CNGA1: variants seen among roughly 807,000 people sequenced by gnomAD.
CNGA1 encodes the protein cyclic nucleotide-gated channel alpha-1.
CNGA1 carries 53 observed loss-of-function variants against 69.7 expected under a neutral mutation model. The ratio of observed to expected loss-of-function variants is 0.76; its 90% CI spans 0.61 to 0.96. The LOEUF is 0.96. Among genes scored for constraint, CNGA1 ranks in the 40% least tolerant of loss-of-function variants. CNGA1 has a pLI of 0.00. For synonymous variants in CNGA1, 249 were observed against 283.5 expected, an observed-to-expected ratio of 0.88 and a Z score of 1.22; for missense variants, 739 against 811.2, an observed-to-expected ratio of 0.91 and a Z score of 1.08.
In CNGA1 at chr4:47,937,154, G is replaced by C. The variant is rs773321505; in HGVS notation, c.1328C>G (p.Thr443Arg). ...WFDYLWTNKK[T>R]VDEKEVLKYL... ...CTTTAAGACTTCTTTCTCATCAACT[G>C]TTTTTTTGTTGGTCCACAGGTAGTC... Residue 443 changes from threonine to arginine, a missense_variant, in exon 11 of 11, where the codon ACA becomes AGA. Thr to Arg is a moderately conservative substitution (Grantham distance 71). Transcript: ENST00000514170. 1.2e-6 allele frequency: 2 copies of C among 1,614,090 alleles called. No homozygotes were observed. Among genetic ancestry groups the C allele is most frequent in the Non-Finnish European group, 1.7e-6 (2 of 1,180,004 alleles).
intron 3 of CNGA1, among the ~76,000 whole-genome samples, chr4:47,970,520 C>T (rs1369507355): frequency 2.0e-5 from 3 of 151,774 alleles, no homozygotes; most frequent in Non-Finnish European, 1.5e-5. Context: ...GGCATGGTGG[C>T]GCATGCCTGT....
intron 1 of CNGA1, among the ~76,000 whole-genome samples, chr4:48,013,613 A>G (rs891568976): frequency 2.6e-5 from 4 of 152,242 alleles, no homozygotes; most frequent in Non-Finnish European, 5.9e-5. Flanking sequence ...TATGTCAGTG[A>G]GCAGAGGTGT....
At chr4:47,997,947 A>G (rs1023395101) in intron 2 of CNGA1, among the ~76,000 whole-genome samples, 1 of 152,208 alleles carries the variant, frequency 6.6e-6, no homozygotes, top group African/African-American at 2.4e-5. Context: ...CAATACACCC[A>G]CCATAAAGTA....
At chr4:47,985,666 C>T (rs572911295) in intron 2 of CNGA1, among the ~76,000 whole-genome samples, 1 of 152,248 alleles carries the variant, frequency 6.6e-6, no homozygotes, top group East Asian at 1.9e-4. Flanking sequence ...TCTCTCTCTC[C>T]ATATTCCAAA....
At chr4:47,994,923 T>C (rs1742419919) in intron 2 of CNGA1, among the ~76,000 whole-genome samples, 1 of 152,170 alleles carries the variant, frequency 6.6e-6, no homozygotes. Flanking sequence ...ACTGTATCTT[T>C]CCTTCATATA....
intron 2 of CNGA1, among the ~76,000 whole-genome samples, chr4:47,995,344 T>A (rs1742436236): frequency 1.3e-5 from 2 of 152,284 alleles, no homozygotes; most frequent in South Asian, 4.1e-4. Context: ...TTGTTCATAT[T>A]TTCTTATTCT....
At chr4:48,013,595 C>T (rs1456059331) in intron 1 of CNGA1, among the ~76,000 whole-genome samples, 3 of 152,208 alleles carry the variant, frequency 2.0e-5, no homozygotes, top group East Asian at 1.9e-4. Flanking sequence ...CCAAAGGAGG[C>T]GATCAGATAT....
chr4:47,949,260 T>A (rs1739603380), intron 6 of CNGA1, among the ~76,000 whole-genome samples: 2 of 152,164 alleles, frequency 1.3e-5, no homozygotes, highest in Admixed American at 6.5e-5. Flanking sequence ...TGCTCCATCT[T>A]CTAGGGCCAA....
At chr4:47,988,470 C>T (rs1213336753) in intron 2 of CNGA1, among the ~76,000 whole-genome samples, 1 of 151,946 alleles carries the variant, frequency 6.6e-6, no homozygotes, top group Non-Finnish European at 1.5e-5. Flanking sequence ...GGCTATACAG[C>T]TCTCAGAGTA....
chr4:48,008,183 G>T (rs898231599), intron 2 of CNGA1, among the ~76,000 whole-genome samples: 12 of 151,670 alleles, frequency 7.9e-5, no homozygotes, highest in Non-Finnish European at 1.3e-4. Context: ...AAGTTTTGGG[G>T]TTTTTTTTAA....
intron 2 of CNGA1, among the ~76,000 whole-genome samples, chr4:47,996,897 C>T (rs189060572): frequency 4.6e-5 from 7 of 151,980 alleles, no homozygotes; most frequent in East Asian, 3.9e-4. Context: ...TGCATCCCTA[C>T]GAAAATTTAA....
chr4:47,997,326 C>T (rs1043788971), intron 2 of CNGA1, among the ~76,000 whole-genome samples: 4 of 152,116 alleles, frequency 2.6e-5, no homozygotes, highest in Non-Finnish European at 5.9e-5. Context: ...AAATGGATAT[C>T]TATGTACTAC....
chr4:47,955,056 T>G (rs529787105), intron 3 of CNGA1, among the ~76,000 whole-genome samples: 2 of 152,196 alleles, frequency 1.3e-5, no homozygotes, highest in African/African-American at 2.4e-5. Flanking sequence ...TATTTTAGTA[T>G]CACTTTTTCC....
intron 3 of CNGA1, among the ~76,000 whole-genome samples, chr4:47,970,364 A>C (rs1163397599): frequency 6.6e-6 from 1 of 151,986 alleles, no homozygotes; most frequent in Admixed American, 6.6e-5. Context: ...TGACAAAATT[A>C]TCTCCTGCTA....
intron 2 of CNGA1, among the ~76,000 whole-genome samples, chr4:47,984,217 A>T (rs1298299605): frequency 1.3e-5 from 2 of 152,202 alleles, no homozygotes; most frequent in African/African-American, 4.8e-5. Flanking sequence ...ATCAACTGTT[A>T]TTCAATTTCC....
intron 2 of CNGA1, among the ~76,000 whole-genome samples, chr4:48,002,334 G>C (rs1714697305): frequency 6.6e-6 from 1 of 152,146 alleles, no homozygotes; most frequent in Non-Finnish European, 1.5e-5. Context: ...GCTAGGTACA[G>C]TACTAGGCTG....
chr4:47,979,140 G>A (rs1741566141), intron 3 of CNGA1, among the ~76,000 whole-genome samples: 1 of 151,930 alleles, frequency 6.6e-6, no homozygotes, highest in Non-Finnish European at 1.5e-5. Context: ...GGGCAACATG[G>A]CAAAACCCCG....
At position 47,936,068 on chromosome 4, in the gene CNGA1, C is replaced by T. The variant is rs576490868; in HGVS notation, c.*353G>A. 5 of 288,134 alleles carry T rather than the reference C, an allele frequency of 1.7e-5. No individual in the cohort carries two copies. Among genetic ancestry groups the T allele is most frequent in the African/African-American group, 4.4e-5 (2 of 45,508 alleles). 17.8% of individuals were successfully genotyped at this position (288,134 alleles called of 1,614,324 possible). ...TGGTAATTCTCAGTTACTTCAAATACGCTTCACTCAACAATGGAAATGGCA... is the reference window on the plus strand; with the variant it reads ...TGGTAATTCTCAGTTACTTCAAATATGCTTCACTCAACAATGGAAATGGCA... On this transcript the variant is annotated 3_prime_UTR_variant, in exon 11 of 11. Transcript: ENST00000514170.
intron 3 of CNGA1, among the ~76,000 whole-genome samples, chr4:47,961,021 C>A (rs577682081): frequency 6.6e-6 from 1 of 152,238 alleles, no homozygotes; most frequent in African/African-American, 2.4e-5. Context: ...AATATATTTG[C>A]ATTTTACTTA....
Sources: gnomAD v4.1 joint callset for allele counts (sites outside exome capture counted in the v4.1 genomes callset) on GRCh38, gnomAD v4.1.1 for gene constraint, MANE v1.5 for transcripts, NCBI Gene and HGNC (gene_info 2026-07-23, HGNC 2026-07-21) for gene names.